The following NOL4 variants were observed in gnomAD, a reference collection of about 807,000 sequenced individuals.
NOL4 encodes the protein cancer/testis antigen 125.
A neutral mutation model predicts 75.9 loss-of-function variants in NOL4; 17 were observed. That is an observed-to-expected ratio of 0.22 (90% CI 0.15 to 0.34). NOL4 has a LOEUF of 0.34. Ranked by LOEUF, NOL4 falls within the 10% of genes least tolerant of loss-of-function variation. The pLI is 1.00. For missense variants in NOL4, 614 were observed against 793.5 expected, an observed-to-expected ratio of 0.77 and a Z score of 2.72; for synonymous variants, 292 against 289.9, an observed-to-expected ratio of 1.01 and a Z score of -0.07.
rs1322284284 is a variant in NOL4 at position 33,907,767 on chromosome 18, C to T, written c.1543-24343G>A. On this transcript the variant is annotated intron_variant, in intron 9 of 10. Transcript: ENST00000261592. ...ATCAAATTTGTGACACATAAAGGAG[C>T]TTTATAAAGGGATTTAATTCATGTC... Among the ~76,000 whole-genome samples the T allele has an allele frequency of 2.0e-5, 3 of 152,014 alleles. No individual in the cohort carries two copies. In the South Asian group the frequency reaches 6.2e-4, roughly 31 times the overall value.
At chr18:33,975,297 A>G (rs2071403516) in intron 6 of NOL4, among the ~76,000 whole-genome samples, 1 of 152,240 alleles carries the variant, frequency 6.6e-6, no homozygotes, top group Non-Finnish European at 1.5e-5. Flanking sequence ...TAAGATGCTA[A>G]AATTATGAGA....
chr18:33,950,135 T>A (rs1426412856), intron 8 of NOL4, among the ~76,000 whole-genome samples: 2 of 151,958 alleles, frequency 1.3e-5, no homozygotes, highest in Admixed American at 1.3e-4. Context: ...ATAATTAATA[T>A]CACTACCTAT....
intron 9 of NOL4, among the ~76,000 whole-genome samples, chr18:33,907,052 G>A (rs2066092908): frequency 1.3e-5 from 2 of 152,042 alleles, no homozygotes; most frequent in South Asian, 2.1e-4. Context: ...GGCAAGGCAC[G>A]GTGGCTCACG....
intron 5 of NOL4, among the ~76,000 whole-genome samples, chr18:34,020,638 T>C (rs898686996): frequency 8.5e-5 from 13 of 152,184 alleles, no homozygotes; most frequent in Non-Finnish European, 1.9e-4. Flanking sequence ...ATGTTGAAAT[T>C]GTTAGATTAT....
At chr18:34,149,024 C>A (rs183337431) in intron 1 of NOL4, among the ~76,000 whole-genome samples, 63 of 151,620 alleles carry the variant, frequency 4.2e-4, no homozygotes, top group Non-Finnish European at 5.6e-4. Context: ...ATCATTTGAG[C>A]TATCTTTTTT....
At chr18:34,209,274 T>A (rs989033009) in intron 1 of NOL4, among the ~76,000 whole-genome samples, 1 of 152,062 alleles carries the variant, frequency 6.6e-6, no homozygotes, top group African/African-American at 2.4e-5. Flanking sequence ...TACATATACT[T>A]GATTATTTGT....
chr18:34,140,236 T>G (rs1052324508), intron 1 of NOL4, among the ~76,000 whole-genome samples: 7 of 152,196 alleles, frequency 4.6e-5, no homozygotes, highest in African/African-American at 1.7e-4. Context: ...GATATCCTTG[T>G]TAACATTCTG....
intron 9 of NOL4, among the ~76,000 whole-genome samples, chr18:33,925,337 ATTAAT>A (rs2067262004): frequency 6.6e-6 from 1 of 152,222 alleles, no homozygotes. Context: ...TAGTTGACAA[ATTAAT>A]TTAATGTAAA....
intron 9 of NOL4, among the ~76,000 whole-genome samples, chr18:33,921,315 T>C (rs949389997): frequency 1.3e-5 from 2 of 152,112 alleles, no homozygotes; most frequent in African/African-American, 4.8e-5. Flanking sequence ...TGAATTAAGA[T>C]TTCTGGGGAT....
chr18:33,972,178 A>AT (rs2071119828), intron 6 of NOL4, among the ~76,000 whole-genome samples: 2 of 151,848 alleles, frequency 1.3e-5, no homozygotes, highest in African/African-American at 2.4e-5. Context: ...AAAAAAAAAA[A>AT]TTTAAACAAA....
chr18:34,166,295 T>C (rs985622287), intron 1 of NOL4, among the ~76,000 whole-genome samples: 4 of 152,116 alleles, frequency 2.6e-5, no homozygotes. Flanking sequence ...GAAAAGGCAT[T>C]AATAAAACAA....
intron 5 of NOL4, among the ~76,000 whole-genome samples, chr18:34,074,881 T>G (rs973657954): frequency 1.3e-5 from 2 of 152,168 alleles, no homozygotes; most frequent in East Asian, 3.8e-4. Context: ...GGCTTACTCA[T>G]TAAGTCATTA....
intron 9 of NOL4, among the ~76,000 whole-genome samples, chr18:33,936,850 A>T (rs904659224): frequency 2.6e-5 from 4 of 152,148 alleles, no homozygotes; most frequent in Non-Finnish European, 5.9e-5. Flanking sequence ...CAAAAATAAT[A>T]CACTGATAGG....
At chr18:34,166,602 C>T (rs552311314) in intron 1 of NOL4, among the ~76,000 whole-genome samples, 24 of 152,116 alleles carry the variant, frequency 1.6e-4, no homozygotes, top group African/African-American at 5.1e-4. Context: ...AACTAAAGCT[C>T]ATAAATTTAT....
Position 34,080,150 on chromosome 18 carries a change from G to GCCTTT in NOL4, c.772+13314_772+13315insAAAGG, listed in dbSNP as rs2077937595. Among the ~76,000 whole-genome samples the GCCTTT allele has an allele frequency of 1.3e-5, 2 of 152,168 alleles. 1 individual carries two copies. Among genetic ancestry groups the GCCTTT allele is most frequent in the Admixed American group, 1.3e-4 (2 of 15,278 alleles). On this transcript the variant is annotated intron_variant, in intron 5 of 10. Coordinates refer to ENST00000261592, the MANE Select transcript of NOL4 (RefSeq NM_003787.5). ...TCTTGTGCCTTTTGTCACCTGTGAT[G>GCCTTT]TGTCATTCATCCTCTGGATCTCTGT...
rs60755450 is a variant in NOL4, at chr18:34,203,717, T to TCACACACA, written c.264+19265_264+19272dup. Reference sequence around the variant, plus strand: ...CTCTCTCTCTCTCTCTCTCTCTCTCTCACACACACACACACACACACACAC... The same window carrying TCACACACA: ...CTCTCTCTCTCTCTCTCTCTCTCTCTCACACACACACACACACACACACACACACACAC... On this transcript the variant is annotated intron_variant, in intron 1 of 10. Coordinates refer to ENST00000261592, the MANE Select transcript of NOL4 (RefSeq NM_003787.5). 6.8e-3 allele frequency among the ~76,000 whole-genome samples: 492 copies of TCACACACA among 72,270 alleles called. 5 individuals carry two copies. Among genetic ancestry groups the TCACACACA allele is most frequent in the South Asian group, 0.038 (50 of 1,332 alleles). 47.4% of individuals were successfully genotyped at this position (72,270 alleles called of 152,430 possible). A position where few individuals can be genotyped will look rare whatever the true frequency, so the allele number is the denominator to read the frequency against.
At chr18:34,091,755 C>T (rs941698366) in intron 5 of NOL4, among the ~76,000 whole-genome samples, 9 of 152,008 alleles carry the variant, frequency 5.9e-5, no homozygotes, top group Admixed American at 1.3e-4. Context: ...AGAAAGAGGA[C>T]GGATCACTGC....
At chr18:33,972,078 G>A (rs1287243438) in intron 6 of NOL4, among the ~76,000 whole-genome samples, 1 of 151,642 alleles carries the variant, frequency 6.6e-6, no homozygotes, top group Admixed American at 6.6e-5. Flanking sequence ...GCAGGAGAAT[G>A]GCTTGAACCC....
intron 9 of NOL4, among the ~76,000 whole-genome samples, chr18:33,901,323 T>C (rs2065737843): frequency 6.6e-6 from 1 of 152,106 alleles, no homozygotes; most frequent in South Asian, 2.1e-4. Context: ...TGCTCATGAG[T>C]TAACTTTAAG....
Sources: gnomAD v4.1 joint callset for allele counts (sites outside exome capture counted in the v4.1 genomes callset) on GRCh38, gnomAD v4.1.1 for gene constraint, MANE v1.5 for transcripts, NCBI Gene and HGNC (gene_info 2026-07-23, HGNC 2026-07-21) for gene names.